The following ZNF827 variants were observed in gnomAD, a reference collection of about 807,000 sequenced individuals.
ZNF827 encodes zinc finger protein 827.
A neutral mutation model predicts 102.4 loss-of-function variants in ZNF827; 13 were observed. That is an observed-to-expected ratio of 0.13 (90% CI 0.08 to 0.20). The LOEUF (loss-of-function observed/expected upper bound fraction) is 0.20. ZNF827 is among the 10% of genes least tolerant of loss of function. ZNF827 has a pLI of 1.00. For missense variants in ZNF827, 1,103 were observed against 1,344.4 expected, an observed-to-expected ratio of 0.82 and a Z score of 2.81; for synonymous variants, 523 against 536.2, an observed-to-expected ratio of 0.98 and a Z score of 0.34.
chr4:145,921,263 G>A (rs1039898502), intron 1 of ZNF827, among the ~76,000 whole-genome samples: 8 of 152,162 alleles, frequency 5.3e-5, no homozygotes, highest in African/African-American at 1.9e-4. Context: ...ACATGGCAGA[G>A]GAAAGGGGCT....
At chr4:145,893,774 G>A (rs1389392086) in intron 2 of ZNF827, among the ~76,000 whole-genome samples, 2 of 152,034 alleles carry the variant, frequency 1.3e-5, no homozygotes, top group Non-Finnish European at 2.9e-5. Context: ...ACCCTTTATT[G>A]GAAATACAAT....
At position 145,765,566 on chromosome 4, in the gene ZNF827, A is replaced by G. The variant is rs1278044291; in HGVS notation, c.3033T>C (p.Ser1011=). ...VMPGSQPSLN[S]EEKPEKGFEC... ...CCTTACCTTTCTCTGGCTTTTCCTC[A>G]CTGTTCAGTGAGGGCTGGCTCCCAG... The change falls in exon 12 of 15, where the codon AGT becomes AGC. Residue 1011 remains serine (S), a synonymous_variant. Coordinates refer to ENST00000508784, the MANE Select transcript of ZNF827 (RefSeq NM_001306215.2). The surrounding 1 kb of genome is among the most constrained non-coding windows in gnomAD (Gnocchi z 4.7). 6.2e-7 allele frequency: 1 copy of G among 1,612,926 alleles called. No individual in the cohort carries two copies. Among genetic ancestry groups the G allele is most frequent in the Admixed American group, 1.7e-5 (1 of 59,904 alleles).
intron 4 of ZNF827, among the ~76,000 whole-genome samples, chr4:145,873,777 T>A (rs1748914527): frequency 3.3e-5 from 5 of 152,216 alleles, no homozygotes; most frequent in Admixed American, 3.3e-4. Flanking sequence ...ATTTTGCTGG[T>A]CACCCTTCTA....
intron 10 of ZNF827, 97 bp from the exon 11 acceptor site, chr4:145,774,769 C>T (rs1736797522): frequency 7.4e-7 from 1 of 1,357,234 alleles, no homozygotes; most frequent in Non-Finnish European, 1.0e-6. Flanking sequence ...CTCAAGAAAA[C>T]TGGAATTTGA....
At chr4:145,937,505 C>A (rs1458449335) in intron 1 of ZNF827, among the ~76,000 whole-genome samples, 2 of 149,090 alleles carry the variant, frequency 1.3e-5, no homozygotes, top group Non-Finnish European at 3.0e-5. Flanking sequence ...TTCGCCTCGG[C>A]GCAGCTCCCG....
At chr4:145,813,589 G>C (rs931836336) in intron 8 of ZNF827, among the ~76,000 whole-genome samples, 1 of 152,116 alleles carries the variant, frequency 6.6e-6, no homozygotes, top group African/African-American at 2.4e-5. Flanking sequence ...TTTATAAAAG[G>C]CTTTATTGTA....
chr4:145,882,280 C>T (rs778747035), intron 4 of ZNF827, among the ~76,000 whole-genome samples: 2 of 152,192 alleles, frequency 1.3e-5, no homozygotes, highest in African/African-American at 2.4e-5. Context: ...AGGTCTGCCT[C>T]AGTCTAAACC....
intron 1 of ZNF827, among the ~76,000 whole-genome samples, chr4:145,930,530 C>A (rs957633068): frequency 8.5e-5 from 13 of 152,196 alleles, no homozygotes; most frequent in Non-Finnish European, 1.6e-4. Flanking sequence ...GCATTTCTTC[C>A]TTGCTGGTAG....
intron 8 of ZNF827, among the ~76,000 whole-genome samples, chr4:145,812,542 T>G (rs1428931157): frequency 1.4e-5 from 2 of 140,358 alleles, no homozygotes; most frequent in African/African-American, 5.1e-5. Flanking sequence ...TTTATTTATT[T>G]TTTGAGATGG....
At chr4:145,891,727 C>T (rs1242630606) in intron 3 of ZNF827, among the ~76,000 whole-genome samples, 1 of 152,138 alleles carries the variant, frequency 6.6e-6, no homozygotes, top group Non-Finnish European at 1.5e-5. Context: ...AGTTAAAGGC[C>T]CGGTGCCTTC....
At chr4:145,917,054 C>T (rs900031419) in intron 1 of ZNF827, among the ~76,000 whole-genome samples, 4 of 152,160 alleles carry the variant, frequency 2.6e-5, no homozygotes, top group African/African-American at 9.7e-5. Context: ...CTTAGTTTAC[C>T]ACTAGCTCTC....
intron 8 of ZNF827, among the ~76,000 whole-genome samples, chr4:145,795,055 G>A (rs536017718): frequency 7.2e-5 from 11 of 152,350 alleles, no homozygotes; most frequent in East Asian, 1.9e-4. Flanking sequence ...GACAGCAGGT[G>A]AATCTGCTTC....
intron 8 of ZNF827, among the ~76,000 whole-genome samples, chr4:145,785,745 C>T (rs995616272): frequency 1.3e-5 from 2 of 152,176 alleles, no homozygotes; most frequent in African/African-American, 2.4e-5. Flanking sequence ...GACAGACCCA[C>T]GGTGTCATTC....
intron 8 of ZNF827, among the ~76,000 whole-genome samples, chr4:145,786,357 T>G (rs572094208): frequency 1.1e-4 from 17 of 152,308 alleles, no homozygotes; most frequent in Non-Finnish European, 2.2e-4. Context: ...AAGGCTTTAT[T>G]TGGCGACAGC....
At chr4:145,796,335 C>T (rs1288354854) in intron 8 of ZNF827, among the ~76,000 whole-genome samples, 2 of 152,142 alleles carry the variant, frequency 1.3e-5, no homozygotes, top group Non-Finnish European at 2.9e-5. Context: ...GAAGGATGTA[C>T]ACGAAACTGG....
At chr4:145,867,618 C>G (rs1748318043) in intron 5 of ZNF827, among the ~76,000 whole-genome samples, 1 of 152,212 alleles carries the variant, frequency 6.6e-6, no homozygotes, top group South Asian at 2.1e-4. Flanking sequence ...ATCTTAGCTA[C>G]TCCTTGGGTC....
intron 11 of ZNF827, 25 bp downstream of exon 11, chr4:145,774,481 G>T: frequency 6.3e-7 from 1 of 1,599,602 alleles, no homozygotes. Context: ...GAAGGAGTGT[G>T]AGAAGGACAG....
At chr4:145,854,670 TG>T (rs1746890056) in intron 5 of ZNF827, among the ~76,000 whole-genome samples, 1 of 152,236 alleles carries the variant, frequency 6.6e-6, no homozygotes, top group African/African-American at 2.4e-5. Context: ...ATATTCCAGT[TG>T]CTTCAACAGA....
chr4:145,858,370 A>C (rs1259609586), intron 5 of ZNF827, among the ~76,000 whole-genome samples: 1 of 152,168 alleles, frequency 6.6e-6, no homozygotes. Flanking sequence ...AGTAGTTCAC[A>C]CCTGTAATCC....
Sources: allele counts gnomAD v4.1 joint callset (sites outside exome capture counted in the v4.1 genomes callset), GRCh38; gene constraint gnomAD v4.1.1; non-coding constraint Gnocchi (gnomAD v3.1); transcripts MANE v1.5; gene names NCBI Gene and HGNC (gene_info 2026-07-23, HGNC 2026-07-21).